Variants in CTSB observed in about 807,000 individuals in gnomAD.
CTSB encodes APP secretase.
A neutral mutation model predicts 44.3 loss-of-function variants in CTSB; 57 were observed. The observed-to-expected ratio is 1.29, with a 90% confidence interval of 1.04 to 1.60. CTSB has a LOEUF of 1.60. CTSB is among the 40% of genes most tolerant of loss of function. The pLI is 0.00. For synonymous variants in CTSB, 320 were observed against 168.0 expected (o/e 1.91, Z -7.00); for missense variants, 768 against 443.0 (o/e 1.73, Z -6.59).
chr8:11,848,451 T>C (rs550274975), intron 5 of CTSB: 5 of 500,322 alleles, frequency 1.0e-5, no homozygotes, highest in Admixed American at 5.9e-5. Flanking sequence ...AGAACACTGA[T>C]TCTCAACTGA....
At chr8:11,852,517 G>T in intron 3 of CTSB, 93 bp downstream of exon 3, 1 of 929,168 alleles carries the variant, frequency 1.1e-6, no homozygotes, top group Non-Finnish European at 1.6e-6. Context: ...GAGCCCTGCG[G>T]ACGCCAGAGA....
At chr8:11,848,235 G>A (rs780346035) in intron 5 of CTSB, 83 bp from the exon 6 acceptor site, 159 of 1,258,576 alleles carry the variant, frequency 1.3e-4, no homozygotes, top group Non-Finnish European at 1.8e-4. Context: ...AAGTGCCCGA[G>A]GCCACTCGTG....
At chr8:11,866,290 G>C (rs1293283689) in intron 1 of CTSB, among the ~76,000 whole-genome samples, 1 of 152,202 alleles carries the variant, frequency 6.6e-6, no homozygotes. Flanking sequence ...TGGAACCAAA[G>C]GGCCACCACC....
intron 8 of CTSB, 74 bp from the exon 9 acceptor site, chr8:11,845,863 C>T: frequency 6.7e-7 from 1 of 1,481,810 alleles, no homozygotes; most frequent in Non-Finnish European, 9.0e-7. Flanking sequence ...CCACACTCAG[C>T]TGGTCATGCT....
intron 3 of CTSB, among the ~76,000 whole-genome samples, chr8:11,851,947 G>A (rs576346442): frequency 3.9e-5 from 6 of 152,164 alleles, no homozygotes; most frequent in Non-Finnish European, 7.3e-5. Context: ...GATTACAGGC[G>A]TGAGCCACCA....
chr8:11,845,140 G>A lies in CTSB; in HGVS notation c.1005C>T (p.Tyr335=). ...CCACGGCAGATTAGATCTTTTCCCA[G>A]TACTGATCGGTGCGTGGAATTCCAG... is the stretch of plus-strand genomic sequence containing the variant. The part of the protein sequence containing the change: ...VVAGIPRTDQ[Y]WEKI The change falls in exon 10 of 10, where the codon TAC becomes TAT. Residue 335 remains tyrosine (Y), a synonymous_variant. Transcript: ENST00000353047. 5.0e-6 allele frequency: 8 copies of A among 1,612,946 alleles called. No individual in the cohort carries two copies. Among genetic ancestry groups the A allele is most frequent in the Non-Finnish European group, 6.8e-6 (8 of 1,178,896 alleles).
At chr8:11,848,316 C>T in intron 5 of CTSB, 164 bp from the exon 6 acceptor site, 1 of 702,924 alleles carries the variant, frequency 1.4e-6, no homozygotes, top group Non-Finnish European at 2.6e-6. Context: ...GGGACGCTCC[C>T]TAGATAAGCA....
At chr8:11,852,360 G>A (rs1814746917) in intron 3 of CTSB, among the ~76,000 whole-genome samples, 1 of 152,044 alleles carries the variant, frequency 6.6e-6, no homozygotes, top group Non-Finnish European at 1.5e-5. Flanking sequence ...GACAGAGTGA[G>A]ACTCTCTCAA....
At chr8:11,847,979 C>A (rs947854558) in intron 6 of CTSB, 88 bp downstream of exon 6, 2 of 1,369,866 alleles carry the variant, frequency 1.5e-6, no homozygotes, top group Middle Eastern at 2.3e-4. Flanking sequence ...CTGTCTCAAC[C>A]CCCAGTTTAT....
chr8:11,845,576 G>T (rs190598045), intron 9 of CTSB, 85 bp downstream of exon 9: 4 of 1,504,550 alleles, frequency 2.7e-6, no homozygotes, highest in Middle Eastern at 1.8e-4. Context: ...AAGGCTGTGC[G>T]GTGGGTAGAA....
chr8:11,855,970 G>C (rs1408978188), intron 1 of CTSB, among the ~76,000 whole-genome samples: 2 of 152,062 alleles, frequency 1.3e-5, no homozygotes, highest in African/African-American at 4.8e-5. Context: ...GGAGATTGCA[G>C]TGAGCCAAGA....
Position 11,844,842 on chromosome 8 carries a change from A to AGG in CTSB, c.*281_*282dup, listed in dbSNP as rs4987128. 1 of 397,710 alleles carries AGG rather than the reference A, an allele frequency of 2.5e-6. No individual in the cohort carries two copies. Among genetic ancestry groups the AGG allele is most frequent in the East Asian group, 4.0e-5 (1 of 25,016 alleles). 24.6% of individuals were successfully genotyped at this position (397,710 alleles called of 1,614,324 possible). A position where few individuals can be genotyped will look rare whatever the true frequency, so the allele number is the denominator to read the frequency against. ...CTCCCTGGAGATGGATGGATCACGG[A>AGG]GGGGGCCACAGTCAGCTGGGGCAGC... is the stretch of plus-strand genomic sequence containing the variant. On this transcript the variant is annotated 3_prime_UTR_variant, in exon 10 of 10. Coordinates refer to ENST00000353047, the MANE Select transcript of CTSB (RefSeq NM_001908.5).
intron 1 of CTSB, among the ~76,000 whole-genome samples, chr8:11,864,085 T>C (rs1816779575): frequency 1.3e-5 from 2 of 152,038 alleles, no homozygotes; most frequent in South Asian, 4.1e-4. Flanking sequence ...CAGAAATAAA[T>C]CTCACAACCG....
chr8:11,862,315 A>G (rs754577539), intron 1 of CTSB: 1 of 152,118 alleles, frequency 6.6e-6, no homozygotes, highest in African/African-American at 2.4e-5. Context: ...GATGGAAGAT[A>G]CAAGGAGACA....
intron 1 of CTSB, among the ~76,000 whole-genome samples, chr8:11,858,609 A>G (rs1170485668): frequency 1.3e-5 from 2 of 152,160 alleles, no homozygotes; most frequent in Non-Finnish European, 2.9e-5. Flanking sequence ...CTTAACTTCA[A>G]TTAACCCCAG....
At position 11,849,125 on chromosome 8, in the gene CTSB, T is replaced by C; in HGVS notation, c.367A>G (p.Ile123Val). ...ACGCTGACGTGCGCATTGGTGTGGA[T>C]GCAGATCCGGTCAGAGATGGCTTCC... ...AVEAISDRIC[I>V]HTNAHVSVEV... is the part of the protein sequence containing the mutation. Residue 123 changes from isoleucine (I) to valine (V), a missense_variant, in exon 5 of 10, where the codon ATC becomes GTC. Coordinates refer to ENST00000353047, the MANE Select transcript of CTSB (RefSeq NM_001908.5). 6.2e-7 allele frequency: 1 copy of C among 1,613,422 alleles called. No individual in the cohort carries two copies. The highest frequency in any genetic ancestry group is 1.3e-5 in the African/African-American group (1 of 75,058).
At chr8:11,857,201 ATAGTC>A (rs1361279767) in intron 1 of CTSB, among the ~76,000 whole-genome samples, 3 of 152,126 alleles carry the variant, frequency 2.0e-5, no homozygotes, top group East Asian at 1.9e-4. Context: ...TTTTTGTAGT[ATAGTC>A]CGTGTTTCGT....
chr8:11,866,618 G>C (rs1212329878), intron 1 of CTSB, among the ~76,000 whole-genome samples: 2 of 152,230 alleles, frequency 1.3e-5, no homozygotes, highest in African/African-American at 2.4e-5. Context: ...GTGACTCACC[G>C]GGAGGCCGAG....
chr8:11,845,466 G>T (rs937138717), intron 9 of CTSB, among the ~76,000 whole-genome samples, 195 bp downstream of exon 9: 3 of 152,218 alleles, frequency 2.0e-5, no homozygotes, highest in Non-Finnish European at 4.4e-5. Flanking sequence ...TGCAGGCGTT[G>T]GCTCTGAAGC....
Sources: gnomAD v4.1 joint callset for allele counts (sites outside exome capture counted in the v4.1 genomes callset) on GRCh38, gnomAD v4.1.1 for gene constraint, MANE v1.5 for transcripts, NCBI Gene and HGNC (gene_info 2026-07-23, HGNC 2026-07-21) for gene names.